Variants in TTC29 observed in about 807,000 individuals in gnomAD.
TTC29 encodes the protein tetratricopeptide repeat protein 29.
TTC29 carries 49 observed loss-of-function variants against 58.1 expected under a neutral mutation model. The observed-to-expected ratio is 0.84, with a 90% CI of 0.67 to 1.07. TTC29 has a LOEUF of 1.07. Among genes scored for constraint, TTC29 ranks in the 50% least tolerant of loss-of-function variants. The pLI, the probability that TTC29 is intolerant of heterozygous loss-of-function variation, is 0.00. For missense variants in TTC29, 582 were observed against 555.6 expected (o/e 1.05, Z -0.48); for synonymous variants, 209 against 196.8 (o/e 1.06, Z -0.52).
chr4:146,917,804 T>C (rs1734338910), intron 4 of TTC29, among the ~76,000 whole-genome samples: 1 of 148,758 alleles, frequency 6.7e-6, no homozygotes, highest in South Asian at 2.1e-4. Context: ...AAAGAGATTG[T>C]CTAATGCAAT....
Position 146,746,842 on chromosome 4 carries a change from T to C in TTC29, c.1331-39291A>G, listed in dbSNP as rs185595797. Among the ~76,000 whole-genome samples the C allele has an allele frequency of 1.3e-3, 197 of 152,230 alleles. 3 individuals carry two copies. The highest frequency in any genetic ancestry group is 0.013 in the Admixed American group (192 of 15,272). On this transcript the variant is annotated intron_variant, in intron 11 of 12. Transcript: ENST00000325106. ...AGTAAAATGGCTGACTAGAAACCTG[T>C]AGTGCTCTTCCCTCCCTCCTCCACC...
intron 6 of TTC29, among the ~76,000 whole-genome samples, chr4:146,900,409 G>T (rs1191285070): frequency 6.6e-6 from 1 of 152,000 alleles, no homozygotes; most frequent in Non-Finnish European, 1.5e-5. Flanking sequence ...ATCCAATAGG[G>T]TGGAGCATCT....
intron 11 of TTC29, among the ~76,000 whole-genome samples, chr4:146,737,611 C>T (rs1275990887): frequency 2.4e-5 from 3 of 126,596 alleles, no homozygotes; most frequent in Admixed American, 8.7e-5. Context: ...GGGCTACAAA[C>T]GGGTCTTGAC....
chr4:146,710,008 CCTCT>C (rs1261621741), intron 11 of TTC29, among the ~76,000 whole-genome samples: 10 of 152,126 alleles, frequency 6.6e-5, no homozygotes, highest in Admixed American at 5.2e-4. Context: ...CAGTGCTCTT[CCTCT>C]CTATTAGATC....
intron 8 of TTC29, among the ~76,000 whole-genome samples, chr4:146,865,856 A>G (rs551676933): frequency 1.3e-5 from 2 of 152,320 alleles, no homozygotes; most frequent in South Asian, 4.1e-4. Flanking sequence ...AAAACATCAC[A>G]TTGTACATCT....
intron 2 of TTC29, chr4:146,942,548 A>G: frequency 6.9e-7 from 1 of 1,444,428 alleles, no homozygotes; most frequent in Non-Finnish European, 9.4e-7. Flanking sequence ...TTGAAGGGAC[A>G]CCAAAGCTCC....
chr4:146,919,290 T>G (rs957479229), intron 4 of TTC29, among the ~76,000 whole-genome samples: 1 of 151,114 alleles, frequency 6.6e-6, no homozygotes, highest in African/African-American at 2.4e-5. Context: ...ACTTCTCTAC[T>G]ATAGAAAAAC....
chr4:146,830,413 T>C (rs1199328525), intron 9 of TTC29, among the ~76,000 whole-genome samples: 1 of 152,298 alleles, frequency 6.6e-6, no homozygotes, highest in African/African-American at 2.4e-5. Context: ...TAAATTCTTA[T>C]AACCATTTTA....
At chr4:146,722,018 C>T (rs551624377) in intron 11 of TTC29, among the ~76,000 whole-genome samples, 11 of 150,862 alleles carry the variant, frequency 7.3e-5, no homozygotes, top group Admixed American at 2.0e-4. Context: ...ACAACAATAA[C>T]GTTCAAGCTG....
At chr4:146,708,375 TATATATAAATAC>T (rs1742214613) in intron 11 of TTC29, among the ~76,000 whole-genome samples, 1 of 144,782 alleles carries the variant, frequency 6.9e-6, no homozygotes, top group African/African-American at 2.5e-5. Context: ...TGTGTGTGTA[TATATATAAATAC>T]ATATATAAAC....
intron 10 of TTC29, among the ~76,000 whole-genome samples, chr4:146,817,257 CA>C (rs1409690177): frequency 1.3e-5 from 2 of 152,130 alleles, no homozygotes; most frequent in East Asian, 1.9e-4. Flanking sequence ...AATCAATGTG[CA>C]AAAATCACAA....
rs1481232170 is a variant in TTC29 at position 146,801,015 on chromosome 4, G to A, written c.1330+2442C>T. Among the ~76,000 whole-genome samples the A allele has an allele frequency of 3.9e-5, 6 of 152,084 alleles. No individual in the cohort carries two copies. The East Asian group carries it at 9.6e-4, about 24-fold the overall frequency. ...GCATTTGAGAATGACCTAGCAAAAC[G>A]GGCAAGATTTTCCTGGATGGGGCTA... On this transcript the variant is annotated intron_variant, in intron 11 of 12. Transcript: ENST00000325106.
intron 11 of TTC29, among the ~76,000 whole-genome samples, chr4:146,725,314 G>A (rs1743695944): frequency 6.6e-6 from 1 of 152,094 alleles, no homozygotes; most frequent in African/African-American, 2.4e-5. Flanking sequence ...CGGGAGGATT[G>A]CCTGGGCTCA....
At chr4:146,725,064 T>C (rs1410919689) in intron 11 of TTC29, among the ~76,000 whole-genome samples, 1 of 152,184 alleles carries the variant, frequency 6.6e-6, no homozygotes, top group African/African-American at 2.4e-5. Context: ...TCCTTTCTAC[T>C]CAAATAATCT....
chr4:146,729,546 G>A (rs1041101897), intron 11 of TTC29, among the ~76,000 whole-genome samples: 1 of 152,070 alleles, frequency 6.6e-6, no homozygotes, highest in African/African-American at 2.4e-5. Flanking sequence ...TCTGCTCTGT[G>A]AAATCAGATG....
chr4:146,908,782 T>A (rs1733694362), intron 5 of TTC29, among the ~76,000 whole-genome samples: 1 of 152,176 alleles, frequency 6.6e-6, no homozygotes, highest in Non-Finnish European at 1.5e-5. Flanking sequence ...CTGGAGATAT[T>A]ATTAGGTGCT....
chr4:146,834,484 T>C, intron 8 of TTC29, among the ~76,000 whole-genome samples: 1 of 152,186 alleles, frequency 6.6e-6, no homozygotes, highest in East Asian at 1.9e-4. Flanking sequence ...CATGTGATCT[T>C]AATTTAATTT....
chr4:146,937,568 A>G (rs1354797565), intron 4 of TTC29, 26 bp downstream of exon 4: 4 of 1,367,108 alleles, frequency 2.9e-6, no homozygotes, highest in Non-Finnish European at 4.0e-6. Context: ...ACTTTATATT[A>G]AAGTACCTTT....
intron 11 of TTC29, among the ~76,000 whole-genome samples, chr4:146,716,519 C>T (rs997305556): frequency 4.0e-5 from 6 of 151,866 alleles, no homozygotes; most frequent in African/African-American, 1.5e-4. Context: ...TCTGTGAAAC[C>T]ATTCAAAATC....
Sources: gnomAD v4.1 joint callset for allele counts (sites outside exome capture counted in the v4.1 genomes callset) on GRCh38, gnomAD v4.1.1 for gene constraint, MANE v1.5 for transcripts, NCBI Gene and HGNC (gene_info 2026-07-23, HGNC 2026-07-21) for gene names.